PRKCA: variants seen among roughly 807,000 people sequenced by gnomAD.
The protein encoded by PRKCA is protein kinase C alpha type.
Under a neutral mutation model 87.0 loss-of-function variants are expected in PRKCA, and 27 were observed. The observed-to-expected ratio is 0.31, with a 90% confidence interval of 0.23 to 0.43. The LOEUF is 0.43. Ranked by LOEUF, PRKCA falls within the 20% of genes least tolerant of loss-of-function variation. The pLI, the probability that PRKCA is intolerant of heterozygous loss-of-function variation, is 1.00. For synonymous variants in PRKCA, 329 were observed against 311.1 expected, an observed-to-expected ratio of 1.06 and a Z score of -0.61; for missense variants, 518 against 852.3, an observed-to-expected ratio of 0.61 and a Z score of 4.88.
chr17:66,321,952 C>A (rs1484634424), intron 2 of PRKCA, among the ~76,000 whole-genome samples: 2 of 152,216 alleles, frequency 1.3e-5, no homozygotes, highest in Non-Finnish European at 2.9e-5. Context: ...ATCCTTGGCT[C>A]TAACAACTGG....
At chr17:66,728,462 C>A (rs1357844813) in intron 8 of PRKCA, among the ~76,000 whole-genome samples, 2 of 152,348 alleles carry the variant, frequency 1.3e-5, no homozygotes, top group East Asian at 3.8e-4. Flanking sequence ...CCCAGCTCCA[C>A]CTTGTGCGAG....
Position 66,526,520 on chromosome 17 carries a change from A to G in PRKCA, c.288+30237A>G, listed in dbSNP as rs191946962. Among the ~76,000 whole-genome samples the G allele has an allele frequency of 3.6e-3, 544 of 152,244 alleles. 1 individual carries two copies. Among genetic ancestry groups the G allele is most frequent in the Admixed American group, 5.9e-3 (90 of 15,302 alleles). On this transcript the variant is annotated intron_variant, in intron 3 of 16. Transcript: ENST00000413366. ...TCTCCAATTCTGACCTGGGGCAGCT[A>G]GCTTGGGTGTGCTCTTCCCAGGGCT...
intron 2 of PRKCA, among the ~76,000 whole-genome samples, chr17:66,484,712 C>T (rs1204716477): frequency 2.6e-5 from 4 of 152,196 alleles, no homozygotes; most frequent in African/African-American, 7.2e-5. Flanking sequence ...TAATAAAAAC[C>T]ATATACTCTT....
chr17:66,610,015 G>A (rs141708749), intron 3 of PRKCA, among the ~76,000 whole-genome samples: 29 of 151,950 alleles, frequency 1.9e-4, no homozygotes, highest in Non-Finnish European at 3.2e-4. Flanking sequence ...ATAGCATCAG[G>A]TCCGACAAGA....
chr17:66,680,901 C>T (rs1972472760), intron 5 of PRKCA, among the ~76,000 whole-genome samples: 2 of 152,302 alleles, frequency 1.3e-5, no homozygotes, highest in Admixed American at 6.5e-5. Context: ...TTCCACCCCA[C>T]CATTTATGCT....
chr17:66,736,139 C>T (rs2144215261), intron 10 of PRKCA, among the ~76,000 whole-genome samples: 1 of 151,876 alleles, frequency 6.6e-6, no homozygotes, highest in South Asian at 2.1e-4. Flanking sequence ...ACGTTGGCCT[C>T]CTAAAGTGCT....
intron 2 of PRKCA, among the ~76,000 whole-genome samples, chr17:66,404,812 C>T (rs2005245): frequency 0.13 from 17,671 of 132,012 alleles, 1,417 homozygotes; most frequent in East Asian, 0.3. Flanking sequence ...TGCAGTGGCA[C>T]GATCTCGGCT....
At chr17:66,638,252 T>C (rs992707969) in intron 3 of PRKCA, 4 of 151,924 alleles carry the variant, frequency 2.6e-5, no homozygotes, top group Non-Finnish European at 5.9e-5. Context: ...GAATCCAACG[T>C]TGGTCACATC....
At chr17:66,798,929 G>A (rs867962609) in intron 16 of PRKCA, among the ~76,000 whole-genome samples, 6 of 111,372 alleles carry the variant, frequency 5.4e-5, no homozygotes, top group South Asian at 3.8e-4. Flanking sequence ...GATGGTGGTG[G>A]TGGTGGTGGT....
At chr17:66,453,306 T>A (rs1355001836) in intron 2 of PRKCA, among the ~76,000 whole-genome samples, 1 of 151,630 alleles carries the variant, frequency 6.6e-6, no homozygotes, top group African/African-American at 2.4e-5. Flanking sequence ...GGTCCCGTGA[T>A]CCTTTTTTTC....
chr17:66,567,116 G>A (rs985117623), intron 3 of PRKCA, among the ~76,000 whole-genome samples: 13 of 152,154 alleles, frequency 8.5e-5, no homozygotes, highest in Admixed American at 2.6e-4. Flanking sequence ...GCTACCGTAA[G>A]GAAAATCAAG....
intron 3 of PRKCA, among the ~76,000 whole-genome samples, chr17:66,505,030 C>A (rs971921311): frequency 1.3e-5 from 2 of 152,218 alleles, no homozygotes; most frequent in Non-Finnish European, 2.9e-5. Flanking sequence ...TCTTCACTTG[C>A]TGTGATGCCA....
At chr17:66,367,102 A>C (rs1371868698) in intron 2 of PRKCA, among the ~76,000 whole-genome samples, 1 of 152,250 alleles carries the variant, frequency 6.6e-6, no homozygotes, top group Non-Finnish European at 1.5e-5. Flanking sequence ...TGCCAAAAGC[A>C]AGGCATTTAT....
intron 16 of PRKCA, among the ~76,000 whole-genome samples, chr17:66,795,418 A>T (rs1975642445): frequency 6.6e-6 from 1 of 152,256 alleles, no homozygotes; most frequent in Admixed American, 6.5e-5. Context: ...CTAACCAGCC[A>T]TTGGAGACTA....
At chr17:66,500,581 T>C (rs1054781192) in intron 3 of PRKCA, among the ~76,000 whole-genome samples, 3 of 152,216 alleles carry the variant, frequency 2.0e-5, no homozygotes, top group Admixed American at 6.5e-5. Flanking sequence ...TGATCTGGGG[T>C]ACTGTCATAT....
intron 13 of PRKCA, among the ~76,000 whole-genome samples, chr17:66,758,558 C>T (rs146113248): frequency 1.3e-5 from 2 of 152,264 alleles, no homozygotes; most frequent in East Asian, 1.9e-4. Context: ...AAGAGAATAT[C>T]GTGGAAACCA....
At chr17:66,380,714 C>G (rs1909729991) in intron 2 of PRKCA, among the ~76,000 whole-genome samples, 1 of 152,082 alleles carries the variant, frequency 6.6e-6, no homozygotes, top group East Asian at 1.9e-4. Flanking sequence ...TATTTTTCAT[C>G]TAATTGTAAT....
Position 66,378,345 on chromosome 17 carries a change from A to G in PRKCA, c.205+72218A>G, listed in dbSNP as rs555973096. On this transcript the variant is annotated intron_variant, in intron 2 of 16. Transcript: ENST00000413366. ...ATGTTCTTCTGATTTTTTTCCCTCT[A>G]TCACATATGCCATTTAAAATATAAG... Among the ~76,000 whole-genome samples the G allele has an allele frequency of 3.6e-4, 55 of 152,230 alleles. No individual in the cohort carries two copies. The South Asian group carries it at 3.7e-3, about 10-fold the overall frequency.
chr17:66,590,971 A>T (rs1479397548), intron 3 of PRKCA, among the ~76,000 whole-genome samples: 1 of 152,036 alleles, frequency 6.6e-6, no homozygotes, highest in Non-Finnish European at 1.5e-5. Flanking sequence ...GGGGGAGCAC[A>T]TGGGCTCTGC....
Sources: allele counts gnomAD v4.1 joint callset (sites outside exome capture counted in the v4.1 genomes callset), GRCh38; gene constraint gnomAD v4.1.1; transcripts MANE v1.5; gene names NCBI Gene and HGNC (gene_info 2026-07-23, HGNC 2026-07-21).